The following STEAP3 variants were observed in gnomAD, a reference collection of about 807,000 sequenced individuals.
STEAP3 encodes STEAP3 metalloreductase.
STEAP3 carries 35 observed loss-of-function variants against 34.9 expected under a neutral mutation model. The ratio of observed to expected loss-of-function variants is 1.00; its 90% CI spans 0.76 to 1.33. The LOEUF (loss-of-function observed/expected upper bound fraction) is 1.33, where lower values mean the gene tolerates loss of function less well. Ranked by LOEUF, STEAP3 falls within the 40% of genes most tolerant of loss-of-function variation. STEAP3 has a pLI of 0.00. For missense variants in STEAP3, 652 were observed against 667.6 expected (o/e 0.98, Z 0.26); for synonymous variants, 281 against 301.6 (o/e 0.93, Z 0.71).
chr2:119,239,952 A>G (rs1263760029), intron 2 of STEAP3, among the ~76,000 whole-genome samples: 1 of 152,246 alleles, frequency 6.6e-6, no homozygotes, highest in Non-Finnish European at 1.5e-5. Context: ...TTTTGAATGT[A>G]TTTTACTTAT....
chr2:119,256,087 T>A (rs564412077), intron 5 of STEAP3, among the ~76,000 whole-genome samples: 2 of 152,204 alleles, frequency 1.3e-5, no homozygotes, highest in East Asian at 3.8e-4. Flanking sequence ...ACAGCCATCC[T>A]ATCCACCCCC....
intron 5 of STEAP3, chr2:119,257,606 C>A: frequency 6.6e-7 from 1 of 1,509,516 alleles, no homozygotes; most frequent in Non-Finnish European, 8.8e-7. Flanking sequence ...CTGTGTCCAC[C>A]CCATATGGTC....
rs1245152883 is a variant in STEAP3 at position 119,263,382 on chromosome 2, T to C, written c.*44T>C. On this transcript the variant is annotated 3_prime_UTR_variant, in exon 6 of 6. Coordinates refer to ENST00000393110, the MANE Select transcript of STEAP3 (RefSeq NM_182915.3). ...TGGACCCCGGGCACACGAGGGACGG[T>C]GCCCTGAGCCCGTTAGGTTTTCTTT... 3.1e-6 allele frequency: 5 copies of C among 1,590,652 alleles called. No homozygotes were observed. Among genetic ancestry groups the C allele is most frequent in the Non-Finnish European group, 2.6e-6 (3 of 1,169,196 alleles).
chr2:119,223,859 C>T lies in STEAP3; in HGVS notation c.-423C>T, dbSNP rs529074237. 1 of 152,366 alleles carries T rather than the reference C, an allele frequency of 6.6e-6. No homozygotes were observed. Among genetic ancestry groups the T allele is most frequent in the Non-Finnish European group, 1.5e-5 (1 of 68,058 alleles). The allele number at this position is 152,366 out of a possible 1,614,324, so 9.4% of individuals were successfully genotyped here. On this transcript the variant is annotated 5_prime_UTR_variant, in exon 1 of 6. Coordinates refer to ENST00000393110, the MANE Select transcript of STEAP3 (RefSeq NM_182915.3). ...GCCTTCGCCGCGGACCTTCAGCTGC[C>T]GCGGTCGCTCCGAGCGGCGGGCCGC...
At chr2:119,238,818 A>T (rs895905885) in intron 2 of STEAP3, among the ~76,000 whole-genome samples, 2 of 152,088 alleles carry the variant, frequency 1.3e-5, no homozygotes, top group African/African-American at 4.8e-5. Context: ...TTTTGGAAGG[A>T]TTTCTGCCCC....
chr2:119,254,842 C>T lies in STEAP3; in HGVS notation c.1209C>T (p.Phe403=). 4 of 1,613,968 alleles carry T rather than the reference C, an allele frequency of 2.5e-6. No individual in the cohort carries two copies. Among genetic ancestry groups the T allele is most frequent in the South Asian group, 2.2e-5 (2 of 91,008 alleles). The change falls in exon 5 of 6, where the codon TTC becomes TTT. Residue 403 remains phenylalanine (F), a synonymous_variant. Coordinates refer to ENST00000393110, the MANE Select transcript of STEAP3 (RefSeq NM_182915.3). ...ANSLNWREFS[F]VQSSLGFVAL... Reference sequence around the variant, plus strand: ...CGCTCAACTGGAGGGAGTTCAGCTTCGTTCAGGTAAAGTAGTCTCTAGTCT... The same window carrying T: ...CGCTCAACTGGAGGGAGTTCAGCTTTGTTCAGGTAAAGTAGTCTCTAGTCT...
intron 3 of STEAP3, chr2:119,246,704 A>G (rs1428886187): frequency 6.6e-6 from 1 of 152,584 alleles, no homozygotes; most frequent in Non-Finnish European, 1.5e-5. Flanking sequence ...TGCAGGCTGC[A>G]TCATGGGACT....
chr2:119,258,600 T>A (rs1558758517), intron 5 of STEAP3, among the ~76,000 whole-genome samples: 2 of 54,094 alleles, frequency 3.7e-5, no homozygotes, highest in Admixed American at 2.9e-4. Context: ...TTTGGGTATT[T>A]TTTTTTTTTT....
chr2:119,230,613 G>A lies in STEAP3; in HGVS notation c.-393-7G>A, dbSNP rs62157660. On this transcript the variant is annotated splice_polypyrimidine_tract_variant and splice_region_variant and intron_variant, in intron 1 of 5. Coordinates refer to ENST00000393110, the MANE Select transcript of STEAP3 (RefSeq NM_182915.3). ...CTCTCTCGCTCACGTGTGTGTGCGC[G>A]CGTTAGATGACATTTATTCATTTTA... 21 of 253,742 alleles carry A rather than the reference G, an allele frequency of 8.3e-5. No individual in the cohort carries two copies. Among genetic ancestry groups the A allele is most frequent in the East Asian group, 1.6e-4 (2 of 12,788 alleles). 15.7% of individuals were successfully genotyped at this position (253,742 alleles called of 1,614,324 possible).
In STEAP3 at chr2:119,263,310, C is replaced by A; in HGVS notation, c.1469C>A (p.Ala490Asp). 1 of 1,613,560 alleles carries A rather than the reference C, an allele frequency of 6.2e-7. No individual in the cohort carries two copies. The highest frequency in any genetic ancestry group is 8.5e-7 in the Non-Finnish European group (1 of 1,179,898). Reference protein sequence around the residue: ...TIKFTLPTDHALAEKTSHV With the variant: ...TIKFTLPTDHDLAEKTSHV Reference sequence around the variant, plus strand: ...AAGTTCACGCTGCCCACAGACCACGCCCTGGCCGAGAAGACGAGCCACGTA... The same window carrying A: ...AAGTTCACGCTGCCCACAGACCACGACCTGGCCGAGAAGACGAGCCACGTA... The change falls in exon 6 of 6, where the codon GCC becomes GAC. Residue 490 changes from alanine to aspartate, a missense_variant. Coordinates refer to ENST00000393110, the MANE Select transcript of STEAP3 (RefSeq NM_182915.3).
rs558514814 is a variant in STEAP3, at chr2:119,259,426, G to A, written c.1216-3631G>A. Among the ~76,000 whole-genome samples, 3 of 152,342 alleles carry A rather than the reference G, an allele frequency of 2.0e-5. No individual in the cohort carries two copies. In the South Asian group the frequency reaches 6.2e-4, roughly 32 times the overall value. On this transcript the variant is annotated intron_variant, in intron 5 of 5. Coordinates refer to ENST00000393110, the MANE Select transcript of STEAP3 (RefSeq NM_182915.3). ...TGGAATCATGCAGGCTTCCCACTGG[G>A]ACAGGAAAGTCAAAGGCCCTTTGTT...
intron 5 of STEAP3, among the ~76,000 whole-genome samples, chr2:119,259,375 G>A (rs554366154): frequency 6.6e-6 from 1 of 152,314 alleles, no homozygotes; most frequent in East Asian, 1.9e-4. Flanking sequence ...TTGTTCCCAA[G>A]GAGAGTTTTT....
intron 5 of STEAP3, 101 bp downstream of exon 5, chr2:119,254,949 C>T: frequency 7.0e-7 from 1 of 1,427,638 alleles, no homozygotes; most frequent in East Asian, 2.5e-5. Flanking sequence ...CTCTGATCAT[C>T]TGCACAGCAG....
At chr2:119,246,167 T>G in intron 3 of STEAP3, 179 bp downstream of exon 3, 3 of 878,742 alleles carry the variant, frequency 3.4e-6, no homozygotes, top group Non-Finnish European at 5.0e-6. Flanking sequence ...TACTGAAAAT[T>G]CCATAGCTGG....
At chr2:119,250,389 C>T (rs1677587299) in intron 4 of STEAP3, among the ~76,000 whole-genome samples, 1 of 152,236 alleles carries the variant, frequency 6.6e-6, no homozygotes, top group Non-Finnish European at 1.5e-5. Flanking sequence ...CAAGTCACAG[C>T]CCCTCTTTTG....
intron 4 of STEAP3, chr2:119,248,796 T>C (rs1677532504): frequency 6.6e-6 from 1 of 152,310 alleles, no homozygotes; most frequent in African/African-American, 2.4e-5. Flanking sequence ...TGGTGAAGGT[T>C]TGAATTTAGG....
chr2:119,263,346 G>T lies in STEAP3; in HGVS notation c.*8G>T, dbSNP rs1678005917. On this transcript the variant is annotated 3_prime_UTR_variant, in exon 6 of 6. Coordinates refer to ENST00000393110, the MANE Select transcript of STEAP3 (RefSeq NM_182915.3). ...AAGACGAGCCACGTATGAGGTGCCT[G>T]CCCTGGGCTCTGGACCCCGGGCACA... 1.2e-6 allele frequency: 2 copies of T among 1,610,462 alleles called. No individual in the cohort carries two copies. Among genetic ancestry groups the T allele is most frequent in the East Asian group, 2.2e-5 (1 of 44,752 alleles).
chr2:119,257,470 C>T (rs1242392235), intron 5 of STEAP3: 4 of 1,531,846 alleles, frequency 2.6e-6, no homozygotes, highest in African/African-American at 1.4e-5. Context: ...GTGGCAACTT[C>T]CAGTGCAGGA....
In STEAP3 at chr2:119,247,722, C is replaced by T. The variant is rs575610515; in HGVS notation, c.566C>T (p.Ser189Leu). ...CAGCCAGAAGCCAAGCGTGCTGTCT[C>T]GGAGATGGCGCTCGCCATGGGCTTC... The part of the protein sequence containing the change: ...GDQPEAKRAV[S>L]EMALAMGFMP... The change falls in exon 4 of 6, where the codon TCG becomes TTG. Residue 189 changes from serine to leucine, a missense_variant. Physicochemically the swap from Ser to Leu is moderately radical, Grantham distance 145. Transcript: ENST00000393110. 3.6e-5 allele frequency: 56 copies of T among 1,572,030 alleles called. No homozygotes were observed. The East Asian group carries it at 1.2e-3, about 33-fold the overall frequency.
Sources: gnomAD v4.1 joint callset for allele counts (sites outside exome capture counted in the v4.1 genomes callset) on GRCh38, gnomAD v4.1.1 for gene constraint, MANE v1.5 for transcripts, NCBI Gene and HGNC (gene_info 2026-07-23, HGNC 2026-07-21) for gene names.